Variants in ZBTB4 observed in about 807,000 individuals in gnomAD.
ZBTB4 encodes the protein zinc finger and BTB domain containing 4.
ZBTB4 carries 14 observed loss-of-function variants against 59.8 expected under a neutral mutation model. The ratio of observed to expected loss-of-function variants is 0.23; its 90% CI spans 0.15 to 0.37. ZBTB4 has a LOEUF of 0.37. Among genes scored for constraint, ZBTB4 ranks in the 10% least tolerant of loss-of-function variants. The pLI, the probability that ZBTB4 is intolerant of heterozygous loss-of-function variation, is 1.00. For missense variants in ZBTB4, 1,198 were observed against 1,380.8 expected (o/e 0.87, Z 2.10); for synonymous variants, 587 against 575.2 (o/e 1.02, Z -0.29).
At chr17:7,477,976 C>G (rs2070291581) in intron 1 of ZBTB4, among the ~76,000 whole-genome samples, 1 of 152,154 alleles carries the variant, frequency 6.6e-6, no homozygotes, top group Non-Finnish European at 1.5e-5. Context: ...TCCCGCCGGC[C>G]TCCATGCGCT....
chr17:7,483,017 C>G, upstream of ZBTB4: 2 of 1,611,780 alleles, frequency 1.2e-6, no homozygotes, highest in Non-Finnish European at 1.7e-6. Flanking sequence ...AACTTGGGAG[C>G]CCGGGGGTTG....
Position 7,462,804 on chromosome 17 carries a change from G to T in ZBTB4, c.2178C>A (p.His726Gln). The change falls in exon 4 of 4, where the codon CAC (histidine) becomes CAA (glutamine). Residue 726 changes from histidine (H) to glutamine (Q), a missense_variant. This residue lies in a region of ZBTB4 where 550 missense variants were observed against 541.8 expected (regional missense o/e 1.02). Transcript: ENST00000380599. The surrounding 1 kb of genome is among the most constrained non-coding windows in gnomAD (Gnocchi z 7.5). The stretch of plus-strand genomic sequence containing the variant: ...AGGTCTGGGCACAGTCCCCGCATCG[G>T]TGCCTCCGCTCTGTGCGGGCACGTC... Reference protein sequence around the residue: ...PAGRARTERRHRCGDCAQTFT... With the variant: ...PAGRARTERRQRCGDCAQTFT... 6.2e-7 allele frequency: 1 copy of T among 1,602,592 alleles called. No individual in the cohort carries two copies. Among genetic ancestry groups the T allele is most frequent in the Non-Finnish European group, 8.5e-7 (1 of 1,179,824 alleles).
At chr17:7,482,353 G>T (rs1283888783), upstream of ZBTB4, 20 of 1,613,912 alleles carry the variant, frequency 1.2e-5, no homozygotes, top group Non-Finnish European at 1.6e-5. Context: ...GTGCGGTTCA[G>T]GTGGTGCCCG....
chr17:7,468,722 C>T (rs1489690006), intron 1 of ZBTB4, among the ~76,000 whole-genome samples: 1 of 152,180 alleles, frequency 6.6e-6, no homozygotes, highest in East Asian at 1.9e-4. Flanking sequence ...TGTCCGGCAT[C>T]AGGAGTTCCT....
At chr17:7,482,187 C>T (rs1179043224), upstream of ZBTB4, 1 of 1,614,060 alleles carries the variant, frequency 6.2e-7, no homozygotes, top group Non-Finnish European at 8.5e-7. Context: ...TCCAACCTGC[C>T]CTCGCTGGAG....
At chr17:7,481,015 G>A (rs1196693040), upstream of ZBTB4, among the ~76,000 whole-genome samples, 1 of 152,016 alleles carries the variant, frequency 6.6e-6, no homozygotes, top group African/African-American at 2.4e-5. Context: ...AAAAATTAGC[G>A]GGGTGTGGTG....
chr17:7,467,419 A>C (rs529846554), intron 1 of ZBTB4, 92 bp from the exon 2 acceptor site: 6 of 254,682 alleles, frequency 2.4e-5, no homozygotes, highest in African/African-American at 1.4e-4. Context: ...GCCCCCAGGA[A>C]GTGGGGAGGG....
At chr17:7,481,222 T>A, upstream of ZBTB4, 1 of 252,216 alleles carries the variant, frequency 4.0e-6, no homozygotes, top group Non-Finnish European at 7.4e-6. Flanking sequence ...CCCAGCTACT[T>A]GGGAGGCTGA....
At chr17:7,473,267 C>A (rs1239676830) in intron 1 of ZBTB4, among the ~76,000 whole-genome samples, 2 of 151,940 alleles carry the variant, frequency 1.3e-5, no homozygotes, top group Non-Finnish European at 2.9e-5. Flanking sequence ...CACCCACCAC[C>A]ACTCCCGGCT....
chr17:7,469,196 C>T (rs1408422943), intron 1 of ZBTB4, among the ~76,000 whole-genome samples: 2 of 152,120 alleles, frequency 1.3e-5, no homozygotes, highest in African/African-American at 4.8e-5. Context: ...GAGATGGAGT[C>T]TCGCTCTGCG....
In ZBTB4 at chr17:7,462,186, G is replaced by A. The variant is rs746546750; in HGVS notation, c.2796C>T (p.Ala932=). Residue 932 remains alanine, a synonymous_variant, in exon 4 of 4, where the codon GCC becomes GCT. Transcript: ENST00000380599. This position sits in a 1 kb window ranked among gnomAD's most constrained non-coding sequence, Gnocchi z 7.5. Reference sequence around the variant, plus strand: ...AGTTACTGAAGTTGTAAGGGTAGGCGGCAAGGAGCTGGGGGCCATAGACGA... The same window carrying A: ...AGTTACTGAAGTTGTAAGGGTAGGCAGCAAGGAGCTGGGGGCCATAGACGA... ...YPLVYGPQLL[A]AYPYNFSNLA... The A allele has an allele frequency of 8.2e-5, 132 of 1,613,734 alleles. No individual in the cohort carries two copies. In the South Asian group the frequency reaches 1.2e-3, roughly 14 times the overall value.
chr17:7,470,825 G>A (rs1346114631), intron 1 of ZBTB4, among the ~76,000 whole-genome samples: 2 of 152,226 alleles, frequency 1.3e-5, no homozygotes, highest in Non-Finnish European at 2.9e-5. Flanking sequence ...CTGTGTTCCT[G>A]ATGACTTCAC....
chr17:7,465,282 C>A (rs964935156), intron 3 of ZBTB4, among the ~76,000 whole-genome samples: 1 of 151,280 alleles, frequency 6.6e-6, no homozygotes, highest in Admixed American at 6.6e-5. Context: ...CATGATGAAA[C>A]CCTGACTCTA....
upstream of ZBTB4, among the ~76,000 whole-genome samples, chr17:7,480,893 G>T (rs541942237): frequency 2.1e-4 from 32 of 151,004 alleles, no homozygotes; most frequent in South Asian, 3.6e-3. Context: ...GGTGGCTCAT[G>T]CCTGTAATTC....
chr17:7,470,464 T>C (rs1189361810), intron 1 of ZBTB4, among the ~76,000 whole-genome samples: 2 of 151,460 alleles, frequency 1.3e-5, no homozygotes, highest in African/African-American at 2.4e-5. Context: ...GAGGCCGAGG[T>C]GGATGGATCA....
At chr17:7,481,549 C>T, upstream of ZBTB4, 1 of 1,501,322 alleles carries the variant, frequency 6.7e-7, no homozygotes, top group Non-Finnish European at 9.0e-7. Context: ...GCCTAGTACT[C>T]CCTCCCTATA....
Position 7,461,665 on chromosome 17 carries a change from C to A in ZBTB4, c.*275G>T. 2.7e-6 allele frequency: 1 copy of A among 370,104 alleles called. No individual in the cohort carries two copies. The highest frequency in any genetic ancestry group is 4.2e-5 in the Admixed American group (1 of 23,610). The allele number at this position is 370,104 out of a possible 1,614,324, so 22.9% of individuals were successfully genotyped here. A position where few individuals can be genotyped will look rare whatever the true frequency, so the allele number is the denominator to read the frequency against. On this transcript the variant is annotated 3_prime_UTR_variant, in exon 4 of 4. Coordinates refer to ENST00000380599, the MANE Select transcript of ZBTB4 (RefSeq NM_001128833.2). ...CAGGTTAAGTATATTGCTCAGTTGCCCCAAGGGCTGGAGAAGGGATGGAAG... is the reference window on the plus strand; with the variant it reads ...CAGGTTAAGTATATTGCTCAGTTGCACCAAGGGCTGGAGAAGGGATGGAAG...
intron 1 of ZBTB4, among the ~76,000 whole-genome samples, chr17:7,474,968 C>T (rs906375646): frequency 6.9e-5 from 9 of 130,354 alleles, no homozygotes; most frequent in Admixed American, 4.6e-4. Flanking sequence ...GCAGAGATTG[C>T]GCCACTGCAT....
At chr17:7,477,506 A>G (rs1273691943) in intron 1 of ZBTB4, among the ~76,000 whole-genome samples, 2 of 151,790 alleles carry the variant, frequency 1.3e-5, no homozygotes, top group Non-Finnish European at 2.9e-5. Context: ...CCCTTCCCCC[A>G]CGTACACACA....
Sources: allele counts gnomAD v4.1 joint callset (sites outside exome capture counted in the v4.1 genomes callset), GRCh38; gene constraint gnomAD v4.1.1; regional missense constraint gnomAD v4.1.1; non-coding constraint Gnocchi (gnomAD v3.1); transcripts MANE v1.5; gene names NCBI Gene and HGNC (gene_info 2026-07-23, HGNC 2026-07-21).